The following SOX8 variants were observed in gnomAD, a reference collection of about 807,000 sequenced individuals.
SOX8 encodes transcription factor SOX-8.
In SOX8, 9 loss-of-function variants were observed where a neutral mutation model predicts 22.9. The observed-to-expected ratio is 0.39, with a 90% CI of 0.24 to 0.69. The LOEUF is 0.69. Ranked by LOEUF, SOX8 falls within the 30% of genes least tolerant of loss-of-function variation. SOX8 has a pLI of 0.43. For synonymous variants in SOX8, 416 were observed against 330.6 expected, an observed-to-expected ratio of 1.26 and a Z score of -2.80; for missense variants, 734 against 699.4, an observed-to-expected ratio of 1.05 and a Z score of -0.56.
chr16:981,803 G>GCGGCGA lies in SOX8; in HGVS notation c.-119_-118insGGCGAC. On this transcript the variant is annotated 5_prime_UTR_variant, in exon 1 of 3. Transcript: ENST00000293894. ...AGCCTCGGCGGCGGCGGCGGCGGCG[G>GCGGCGA]CAGGGGCGAGGGTCGGGGCCACCGC... 5.2e-6 allele frequency: 2 copies of GCGGCGA among 383,626 alleles called. No homozygotes were observed. The highest frequency in any genetic ancestry group is 3.6e-6 in the Non-Finnish European group (1 of 279,056). 23.8% of individuals were successfully genotyped at this position (383,626 alleles called of 1,614,324 possible).
chr16:985,623 C>T lies in SOX8; in HGVS notation c.*237C>T. 2.0e-6 allele frequency: 1 copy of T among 496,602 alleles called. No homozygotes were observed. Among genetic ancestry groups the T allele is most frequent in the East Asian group, 3.3e-5 (1 of 29,942 alleles). 30.8% of individuals were successfully genotyped at this position (496,602 alleles called of 1,614,324 possible). Reference sequence around the variant, plus strand: ...TTTTTGAGGTGGTGGGATTATTCCACAAAGAAGGGCTGCCGTTTGGTCCCT... The same window carrying T: ...TTTTTGAGGTGGTGGGATTATTCCATAAAGAAGGGCTGCCGTTTGGTCCCT... On this transcript the variant is annotated 3_prime_UTR_variant, in exon 3 of 3. Transcript: ENST00000293894.
intron 1 of SOX8, chr16:982,561 G>A: frequency 8.8e-6 from 4 of 455,582 alleles, no homozygotes; most frequent in Non-Finnish European, 1.4e-5. Flanking sequence ...GGGATCCGCG[G>A]AGGGCAGCGC....
chr16:983,667 G>A, intron 1 of SOX8, 61 bp from the exon 2 acceptor site: 1 of 1,497,202 alleles, frequency 6.7e-7, no homozygotes, highest in South Asian at 1.2e-5. Context: ...CCTGTGGTGT[G>A]TGCCTGCGCC....
At position 982,152 on chromosome 16, in the gene SOX8, A is replaced by G; in HGVS notation, c.230A>G (p.Lys77Arg). Residue 77 changes from lysine to arginine, a missense_variant, in exon 1 of 3, where the codon AAG becomes AGG. Physicochemically the swap from Lys to Arg is conservative, Grantham distance 26 (BLOSUM62 2). This residue lies in a region of SOX8 where 588 missense variants were observed against 568.2 expected (regional missense o/e 1.03). Transcript: ENST00000293894. ...CGCGACGCCGTGTCGCAGGTGCTCA[A>G]GGGCTACGACTGGAGTCTGGTGCCC... is the stretch of plus-strand genomic sequence containing the variant. ...CIRDAVSQVL[K>R]GYDWSLVPMP... 1.4e-6 allele frequency: 2 copies of G among 1,471,766 alleles called. No homozygotes were observed. The highest frequency in any genetic ancestry group is 1.3e-5 in the South Asian group (1 of 76,904). 91.2% of individuals were successfully genotyped at this position (1,471,766 alleles called of 1,614,324 possible). A position where few individuals can be genotyped will look rare whatever the true frequency, so the allele number is the denominator to read the frequency against.
chr16:985,658 G>C lies in SOX8; in HGVS notation c.*272G>C. ...CTGCCGTTTGGTCCCTCTTCCGTGA[G>C]GACTGGCGGCACCAGCACCTTCGCT... On this transcript the variant is annotated 3_prime_UTR_variant, in exon 3 of 3. Coordinates refer to ENST00000293894, the MANE Select transcript of SOX8 (RefSeq NM_014587.5). The C allele has an allele frequency of 2.2e-6, 1 of 447,342 alleles. No individual in the cohort carries two copies. The highest frequency in any genetic ancestry group is 4.2e-5 in the South Asian group (1 of 24,040). 27.7% of individuals were successfully genotyped at this position (447,342 alleles called of 1,614,324 possible).
At position 985,326 on chromosome 16, in the gene SOX8, C is replaced by A; in HGVS notation, c.1281C>A (p.Pro427=). The A allele has an allele frequency of 6.3e-7, 1 of 1,598,252 alleles. No individual in the cohort carries two copies. The highest frequency in any genetic ancestry group is 1.3e-5 in the African/African-American group (1 of 74,842). The part of the protein sequence containing the change: ...SPLLNGLALP[P]AHSPTSHWDQ... ...TGCTCAACGGCCTGGCCCTGCCGCCCGCCCACAGCCCCACCAGTCACTGGG... is the reference window on the plus strand; with the variant it reads ...TGCTCAACGGCCTGGCCCTGCCGCCAGCCCACAGCCCCACCAGTCACTGGG... The change falls in exon 3 of 3, where the codon CCC becomes CCA. Residue 427 remains proline, a synonymous_variant. Coordinates refer to ENST00000293894, the MANE Select transcript of SOX8 (RefSeq NM_014587.5).
At position 982,063 on chromosome 16, in the gene SOX8, C is replaced by T. The variant is rs753676363; in HGVS notation, c.141C>T (p.Val47=). The T allele has an allele frequency of 2.0e-4, 254 of 1,296,488 alleles. No homozygotes were observed. The highest frequency in any genetic ancestry group is 1.4e-4 in the African/African-American group (9 of 64,380). The allele number at this position is 1,296,488 out of a possible 1,614,324, so 80.3% of individuals were successfully genotyped here. Residue 47 remains valine (V), a synonymous_variant, in exon 1 of 3, where the codon GTC becomes GTT. Transcript: ENST00000293894. ...CCGAGGGCCTGGGCCGCGCGGGGGT[C>T]GCGGTGGGGGGCGCCCGGGGCGACC... The part of the protein sequence containing the change: ...AGSEGLGRAG[V]AVGGARGDPA...
rs1301931072 is a variant in SOX8, at chr16:985,300, C to G, written c.1255C>G (p.Leu419Val). The G allele has an allele frequency of 4.3e-6, 7 of 1,609,270 alleles. No homozygotes were observed. In the African/African-American group the frequency reaches 8.0e-5, roughly 18 times the overall value. Reference protein sequence around the residue: ...HSPRRPYASPLLNGLALPPAH... With the variant: ...HSPRRPYASPVLNGLALPPAH... ...GCCGCGCCGGCCCTACGCCTCACCC[C>G]TGCTCAACGGCCTGGCCCTGCCGCC... The change falls in exon 3 of 3, where the codon CTG (leucine) becomes GTG (valine). Residue 419 changes from leucine to valine, a missense_variant. Physicochemically the swap from Leu to Val is conservative, Grantham distance 32 (BLOSUM62 1). Transcript: ENST00000293894.
Position 982,030 on chromosome 16 carries a change from CG to C in SOX8, c.109del (p.Ala37ProfsTer66). 1 of 1,383,564 alleles carries C rather than the reference CG, an allele frequency of 7.2e-7. No homozygotes were observed. Among genetic ancestry groups the C allele is most frequent in the Admixed American group, 2.8e-5 (1 of 35,998 alleles). 85.7% of individuals were successfully genotyped at this position (1,383,564 alleles called of 1,614,324 possible). On this transcript the variant is annotated frameshift_variant, in exon 1 of 3. Transcript: ENST00000293894. LOFTEE classifies it high-confidence loss of function. The part of the protein sequence containing the change: ...DSDSDAPPSP[A>X]GSEGLGRAGV... Reference sequence around the variant, plus strand: ...CGGACTCGGACGCGCCGCCGTCTCCCGCCGGCTCCGAGGGCCTGGGCCGCGC... The same window carrying C: ...CGGACTCGGACGCGCCGCCGTCTCCCCCGGCTCCGAGGGCCTGGGCCGCGC...
rs750508766 is a variant in SOX8 at position 983,935 on chromosome 16, T to G, written c.630T>G (p.Asp210Glu). Reference sequence around the variant, plus strand: ...ACAAGGCTGAAGCAGGGCTTGGAGATGGGCACCACCATGGCGACCACACAG... The same window carrying G: ...ACAAGGCTGAAGCAGGGCTTGGAGAGGGGCACCACCATGGCGACCACACAG... The part of the protein sequence containing the change: ...AVYKAEAGLG[D>E]GHHHGDHTGQ... Residue 210 changes from aspartate to glutamate, a missense_variant, in exon 2 of 3, where the codon GAT becomes GAG. By Grantham distance (45) the Asp-to-Glu change is conservative. Transcript: ENST00000293894. 5.1e-6 allele frequency: 8 copies of G among 1,560,238 alleles called. 1 individual carries two copies. The South Asian group carries it at 9.3e-5, about 18-fold the overall frequency.
rs2073467572 is a variant in SOX8 at position 986,949 on chromosome 16, T to G, written c.*1563T>G. The G allele has an allele frequency of 6.6e-6, 1 of 152,256 alleles. No individual in the cohort carries two copies. 9.4% of individuals were successfully genotyped at this position (152,256 alleles called of 1,614,324 possible). A position where few individuals can be genotyped will look rare whatever the true frequency, so the allele number is the denominator to read the frequency against. On this transcript the variant is annotated 3_prime_UTR_variant, in exon 3 of 3. Transcript: ENST00000293894. The stretch of plus-strand genomic sequence containing the variant: ...ACGCTAACTTTTGTACAGATCGATT[T>G]GATAAAATTAAACAAAGTGCTTTTT...
intron 2 of SOX8, 51 bp from the exon 3 acceptor site, chr16:984,650 C>A (rs1043559820): frequency 7.9e-6 from 10 of 1,261,374 alleles, no homozygotes; most frequent in Non-Finnish European, 1.1e-5. Flanking sequence ...CCGGCCCCAC[C>A]CGCCCCACAG....
In SOX8 at chr16:985,065, G is replaced by A. The variant is rs763865376; in HGVS notation, c.1020G>A (p.Thr340=). ...ETGPPRPHIK[T]EQPSPGHYGD... is the part of the protein sequence containing the mutation. ...GTCCCCCACGGCCGCACATCAAGAC[G>A]GAGCAGCCGAGCCCCGGCCACTACG... is the stretch of plus-strand genomic sequence containing the variant. The change falls in exon 3 of 3, where the codon ACG becomes ACA. Residue 340 remains threonine (T), a synonymous_variant. Transcript: ENST00000293894. 145 of 1,583,340 alleles carry A rather than the reference G, an allele frequency of 9.2e-5. No individual in the cohort carries two copies. The highest frequency in any genetic ancestry group is 1.2e-4 in the Non-Finnish European group (139 of 1,172,202).
At position 981,786 on chromosome 16, in the gene SOX8, CG is replaced by C; in HGVS notation, c.-135del. 3.6e-6 allele frequency: 1 copy of C among 279,664 alleles called. No individual in the cohort carries two copies. Among genetic ancestry groups the C allele is most frequent in the Non-Finnish European group, 5.4e-6 (1 of 186,240 alleles). The allele number at this position is 279,664 out of a possible 1,614,324, so 17.3% of individuals were successfully genotyped here. A position where few individuals can be genotyped will look rare whatever the true frequency, so the allele number is the denominator to read the frequency against. On this transcript the variant is annotated 5_prime_UTR_variant, in exon 1 of 3. Transcript: ENST00000293894. Reference sequence around the variant, plus strand: ...TCCCGCAGCGGGACCCGAGCCTCGGCGGCGGCGGCGGCGGCGGCAGGGGCGA... The same window carrying C: ...TCCCGCAGCGGGACCCGAGCCTCGGCGCGGCGGCGGCGGCGGCAGGGGCGA...
chr16:982,554 A>G (rs2151520096), intron 1 of SOX8: 1 of 479,602 alleles, frequency 2.1e-6, no homozygotes, highest in Middle Eastern at 5.6e-4. Context: ...GGGAGTCGGG[A>G]TCCGCGGAGG....
At position 982,152 on chromosome 16, in the gene SOX8, A is replaced by C; in HGVS notation, c.230A>C (p.Lys77Thr). ...CIRDAVSQVLKGYDWSLVPMP... is the reference protein window; with the variant it reads ...CIRDAVSQVLTGYDWSLVPMP... ...CGCGACGCCGTGTCGCAGGTGCTCAAGGGCTACGACTGGAGTCTGGTGCCC... is the reference window on the plus strand; with the variant it reads ...CGCGACGCCGTGTCGCAGGTGCTCACGGGCTACGACTGGAGTCTGGTGCCC... Residue 77 changes from lysine (K) to threonine (T), a missense_variant, in exon 1 of 3, where the codon AAG (lysine) becomes ACG (threonine). Lys to Thr is a moderately conservative substitution (Grantham distance 78, BLOSUM62 -1). Coordinates refer to ENST00000293894, the MANE Select transcript of SOX8 (RefSeq NM_014587.5). 5 of 1,471,766 alleles carry C rather than the reference A, an allele frequency of 3.4e-6. No individual in the cohort carries two copies. The highest frequency in any genetic ancestry group is 4.5e-6 in the Non-Finnish European group (5 of 1,115,568). 91.2% of individuals were successfully genotyped at this position (1,471,766 alleles called of 1,614,324 possible). A position where few individuals can be genotyped will look rare whatever the true frequency, so the allele number is the denominator to read the frequency against.
Position 983,977 on chromosome 16 carries a change from C to T in SOX8, c.655+17C>T. 6.1e-6 allele frequency: 9 copies of T among 1,485,500 alleles called. No individual in the cohort carries two copies. Among genetic ancestry groups the T allele is most frequent in the South Asian group, 1.3e-5 (1 of 74,906 alleles). 92.0% of individuals were successfully genotyped at this position (1,485,500 alleles called of 1,614,324 possible). ...ACCACACAGGTGGGCTCCAGGCCCC[C>T]CGCATATCTGAGGGTCCCTGTATGG... On this transcript the variant is annotated intron_variant, in intron 2 of 2. Coordinates refer to ENST00000293894, the MANE Select transcript of SOX8 (RefSeq NM_014587.5).
In SOX8 at chr16:981,907, TCCGCGCGCGGCCCC is replaced by T; in HGVS notation, c.-15_-2del. On this transcript the variant is annotated 5_prime_UTR_variant, in exon 1 of 3. Coordinates refer to ENST00000293894, the MANE Select transcript of SOX8 (RefSeq NM_014587.5). ...GGTGCGCGTCTCCTGTGCGCGCCCC[TCCGCGCGCGGCCCC>T]GATGCTGGACATGAGCGAGGCCCGC... The T allele has an allele frequency of 8.1e-7, 1 of 1,234,582 alleles. No individual in the cohort carries two copies. Among genetic ancestry groups the T allele is most frequent in the Non-Finnish European group, 1.0e-6 (1 of 987,424 alleles). 76.5% of individuals were successfully genotyped at this position (1,234,582 alleles called of 1,614,324 possible).
chr16:984,900 C>T lies in SOX8; in HGVS notation c.855C>T (p.Phe285=), dbSNP rs778102734. 46 of 1,609,544 alleles carry T rather than the reference C, an allele frequency of 2.9e-5. No homozygotes were observed. The highest frequency in any genetic ancestry group is 1.6e-4 in the Middle Eastern group (1 of 6,070). The part of the protein sequence containing the change: ...GTMDAFDVHE[F]DQYLPLGGPA... ...TGGACGCCTTCGACGTCCACGAGTT[C>T]GACCAGTACCTGCCCCTGGGCGGCC... The change falls in exon 3 of 3, where the codon TTC becomes TTT. Residue 285 remains phenylalanine, a synonymous_variant. Coordinates refer to ENST00000293894, the MANE Select transcript of SOX8 (RefSeq NM_014587.5).
Sources: allele counts gnomAD v4.1 joint callset, GRCh38; gene constraint gnomAD v4.1.1; regional missense constraint gnomAD v4.1.1; transcripts MANE v1.5; gene names NCBI Gene and HGNC (gene_info 2026-07-23, HGNC 2026-07-21).